CDH12: variants seen among roughly 807,000 people sequenced by gnomAD.
CDH12 encodes the protein cadherin-12.
CDH12 carries 41 observed loss-of-function variants against 74.1 expected under a neutral mutation model. The observed-to-expected ratio is 0.55, with a 90% CI of 0.43 to 0.72. The LOEUF (loss-of-function observed/expected upper bound fraction) is 0.72, where lower values mean the gene tolerates loss of function less well. CDH12 is among the 30% of genes least tolerant of loss of function. The pLI is 0.00. For synonymous variants in CDH12, 399 were observed against 355.0 expected, an observed-to-expected ratio of 1.12 and a Z score of -1.39; for missense variants, 945 against 977.2, an observed-to-expected ratio of 0.97 and a Z score of 0.44.
chr5:22,624,399 A>C (rs1046772126), intron 1 of CDH12, among the ~76,000 whole-genome samples: 6 of 152,190 alleles, frequency 3.9e-5, no homozygotes, highest in African/African-American at 1.4e-4. Context: ...AAATTTTTGC[A>C]ATCTACTCAT....
At chr5:21,842,458 C>A in intron 7 of CDH12, 130 bp from the exon 8 acceptor site, 2 of 609,090 alleles carry the variant, frequency 3.3e-6, no homozygotes, top group Non-Finnish European at 5.4e-6. Context: ...AAAATTGTAT[C>A]TTTTAAAAAG....
At chr5:22,465,688 G>T (rs1279470022) in intron 2 of CDH12, among the ~76,000 whole-genome samples, 1 of 151,316 alleles carries the variant, frequency 6.6e-6, no homozygotes, top group Non-Finnish European at 1.5e-5. Flanking sequence ...GAACAGAACA[G>T]AACACTTGAC....
intron 1 of CDH12, among the ~76,000 whole-genome samples, chr5:22,748,860 G>T (rs1490923710): frequency 2.0e-5 from 3 of 152,076 alleles, no homozygotes; most frequent in East Asian, 1.9e-4. Flanking sequence ...TTTAGCGTAG[G>T]GGCTGTTTGA....
chr5:22,276,603 G>A (rs963839603), intron 3 of CDH12, among the ~76,000 whole-genome samples: 6 of 152,166 alleles, frequency 3.9e-5, no homozygotes, highest in African/African-American at 9.7e-5. Context: ...GCAAATGAAC[G>A]TTAACACTTG....
At chr5:22,011,296 A>G (rs1737279872) in intron 5 of CDH12, among the ~76,000 whole-genome samples, 2 of 152,306 alleles carry the variant, frequency 1.3e-5, no homozygotes, top group East Asian at 3.9e-4. Context: ...GTGCTTTTAC[A>G]AAATATCCTT....
chr5:22,460,618 A>G (rs529552060), intron 2 of CDH12, among the ~76,000 whole-genome samples: 2 of 152,024 alleles, frequency 1.3e-5, no homozygotes, highest in African/African-American at 4.8e-5. Context: ...GTCCAGTAAT[A>G]TCAAGAGTCT....
intron 1 of CDH12, among the ~76,000 whole-genome samples, chr5:22,848,578 T>C (rs549889426): frequency 2.8e-4 from 42 of 152,324 alleles, no homozygotes; most frequent in African/African-American, 1.0e-3. Flanking sequence ...CAGTCCTTCT[T>C]GGATCTCAGA....
chr5:22,676,131 C>T (rs1741177144), intron 1 of CDH12, among the ~76,000 whole-genome samples: 1 of 151,774 alleles, frequency 6.6e-6, no homozygotes, highest in African/African-American at 2.4e-5. Flanking sequence ...ATACATTCCT[C>T]ATCAGTACTA....
chr5:22,277,091 T>A (rs1736666744), intron 3 of CDH12, among the ~76,000 whole-genome samples: 1 of 152,184 alleles, frequency 6.6e-6, no homozygotes, highest in East Asian at 1.9e-4. Flanking sequence ...TGCTCTGTCA[T>A]CCTTAACATT....
At chr5:22,667,783 T>C (rs887363488) in intron 1 of CDH12, among the ~76,000 whole-genome samples, 11 of 152,240 alleles carry the variant, frequency 7.2e-5, no homozygotes, top group Non-Finnish European at 7.3e-5. Flanking sequence ...AAGTATGTTG[T>C]AAGGATAAAT....
Position 22,591,365 on chromosome 5 carries a change from C to T in CDH12, c.-522-86001G>A, listed in dbSNP as rs750419918. On this transcript the variant is annotated intron_variant, in intron 1 of 14. Coordinates refer to ENST00000382254, the MANE Select transcript of CDH12 (RefSeq NM_004061.5). ...TTGGATTGATCAATGAAACAATGAC[C>T]TGAAAAAATTAATATCACAGAAATT... 3.3e-5 allele frequency among the ~76,000 whole-genome samples: 5 copies of T among 151,820 alleles called. No individual in the cohort carries two copies. The East Asian group carries it at 9.7e-4, about 29-fold the overall frequency.
chr5:21,864,651 G>C (rs1751233439), intron 6 of CDH12, among the ~76,000 whole-genome samples: 1 of 152,168 alleles, frequency 6.6e-6, no homozygotes, highest in Non-Finnish European at 1.5e-5. Context: ...AATTGGAGTT[G>C]TTGCTATAAC....
chr5:21,884,309 C>T, intron 6 of CDH12: 2 of 1,334,450 alleles, frequency 1.5e-6, no homozygotes, highest in Non-Finnish European at 2.2e-6. Context: ...GTGGCATGTT[C>T]TAACTCCTAG....
At chr5:21,797,804 T>C (rs1156296319) in intron 10 of CDH12, among the ~76,000 whole-genome samples, 2 of 152,118 alleles carry the variant, frequency 1.3e-5, no homozygotes, top group African/African-American at 2.4e-5. Flanking sequence ...CCTAATAATG[T>C]TTTTTACTTA....
intron 1 of CDH12, among the ~76,000 whole-genome samples, chr5:22,691,984 T>C (rs1742107735): frequency 6.6e-6 from 1 of 152,250 alleles, no homozygotes; most frequent in South Asian, 2.1e-4. Flanking sequence ...GGTGATATAG[T>C]TTGGATATTT....
intron 3 of CDH12, among the ~76,000 whole-genome samples, chr5:22,324,801 C>T (rs1459659070): frequency 6.6e-6 from 1 of 152,052 alleles, no homozygotes; most frequent in East Asian, 1.9e-4. Context: ...CAGTAAGTTT[C>T]TTTATTCTAA....
rs1351282983 is a variant in CDH12, at chr5:22,264,014, C to T, written c.-332-51371G>A. On this transcript the variant is annotated intron_variant, in intron 3 of 14. Coordinates refer to ENST00000382254, the MANE Select transcript of CDH12 (RefSeq NM_004061.5). Reference sequence around the variant, plus strand: ...CTTCCCTACCATTAGAAAAAAATGGCTATTTCCCATCATTTTTTTAAAGAA... The same window carrying T: ...CTTCCCTACCATTAGAAAAAAATGGTTATTTCCCATCATTTTTTTAAAGAA... Among the ~76,000 whole-genome samples the T allele has an allele frequency of 6.6e-5, 10 of 151,836 alleles. No homozygotes were observed. The East Asian group carries it at 1.7e-3, about 26-fold the overall frequency.
At chr5:22,801,686 C>T (rs780187) in intron 1 of CDH12, among the ~76,000 whole-genome samples, 914 of 60,358 alleles carry the variant, frequency 0.015, 27 homozygotes, top group African/African-American at 0.052. Flanking sequence ...TATATATATA[C>T]ACTTTGTTTA....
chr5:21,917,692 C>T (rs561837966), intron 6 of CDH12, among the ~76,000 whole-genome samples: 8 of 152,178 alleles, frequency 5.3e-5, no homozygotes, highest in African/African-American at 1.9e-4. Flanking sequence ...TTCAATGAAA[C>T]GCTGAAGCAC....
Sources: gnomAD v4.1 joint callset for allele counts (sites outside exome capture counted in the v4.1 genomes callset) on GRCh38, gnomAD v4.1.1 for gene constraint, MANE v1.5 for transcripts, NCBI Gene and HGNC (gene_info 2026-07-23, HGNC 2026-07-21) for gene names.